SMPD3: variants seen among roughly 807,000 people sequenced by gnomAD.
The protein encoded by SMPD3 is nSMase-2.
In SMPD3, 21 loss-of-function variants were observed where a neutral mutation model predicts 55.7. The observed-to-expected ratio is 0.38, with a 90% CI of 0.27 to 0.54. The LOEUF (loss-of-function observed/expected upper bound fraction) is 0.54. Among genes scored for constraint, SMPD3 ranks in the 20% least tolerant of loss-of-function variants. The probability of loss-of-function intolerance (pLI) is 0.80; values close to 1 mark genes in which losing one functional copy is unlikely to be tolerated. For missense variants in SMPD3, 842 were observed against 899.6 expected (o/e 0.94, Z 0.82); for synonymous variants, 457 against 404.3 (o/e 1.13, Z -1.56).
chr16:68,381,535 G>GA (rs2089951654), intron 2 of SMPD3, among the ~76,000 whole-genome samples: 1 of 152,188 alleles, frequency 6.6e-6, no homozygotes, highest in African/African-American at 2.4e-5. Flanking sequence ...GGTTGGGTGG[G>GA]ATCACGTGAT....
chr16:68,374,933 A>T (rs3760002), intron 2 of SMPD3, among the ~76,000 whole-genome samples: 2 of 152,084 alleles, frequency 1.3e-5, no homozygotes, highest in Non-Finnish European at 2.9e-5. Context: ...CCAGCCACCA[A>T]TAGTCCCTGC....
At chr16:68,446,188 A>T (rs1022658902) in intron 1 of SMPD3, among the ~76,000 whole-genome samples, 2 of 152,146 alleles carry the variant, frequency 1.3e-5, no homozygotes, top group Non-Finnish European at 2.9e-5. Context: ...AGCCTATTAC[A>T]GTAGGATAAA....
At chr16:68,434,743 A>C (rs1236089160) in intron 1 of SMPD3, among the ~76,000 whole-genome samples, 1 of 151,986 alleles carries the variant, frequency 6.6e-6, no homozygotes, top group Non-Finnish European at 1.5e-5. Flanking sequence ...CTTGTTTCTC[A>C]CTCCACTGAT....
chr16:68,396,300 G>A (rs74024637), intron 1 of SMPD3, among the ~76,000 whole-genome samples: 2,022 of 152,096 alleles, frequency 0.013, 49 homozygotes, highest in African/African-American at 0.046. Flanking sequence ...CCCCAGGATC[G>A]ATCCTTCTAC....
chr16:68,359,654 G>C lies in SMPD3; in HGVS notation c.*1552C>G, dbSNP rs1165609398. On this transcript the variant is annotated 3_prime_UTR_variant, in exon 9 of 9. Coordinates refer to ENST00000219334, the MANE Select transcript of SMPD3 (RefSeq NM_018667.4). ...ACAGCAGGTCCTGGTGCTCCCTCCA[G>C]CCTCACCAGGCAAAGCCGGCCCTGG... is the stretch of plus-strand genomic sequence containing the variant. 3.9e-5 allele frequency: 6 copies of C among 152,834 alleles called. No homozygotes were observed. The highest frequency in any genetic ancestry group is 1.4e-4 in the African/African-American group (6 of 41,598). 9.5% of individuals were successfully genotyped at this position (152,834 alleles called of 1,614,324 possible).
rs531295994 is a variant in SMPD3, at chr16:68,401,825, C to T, written c.-268-15166G>A. On this transcript the variant is annotated intron_variant, in intron 1 of 8. Transcript: ENST00000219334. ...ATCTTTAGAATCCCAGCAAGGCAAACATGCCAAATGGCTAAGAGGACAGCA... is the reference window on the plus strand; with the variant it reads ...ATCTTTAGAATCCCAGCAAGGCAAATATGCCAAATGGCTAAGAGGACAGCA... 1.6e-4 allele frequency among the ~76,000 whole-genome samples: 24 copies of T among 152,328 alleles called. 1 individual carries two copies. In the East Asian group the frequency reaches 2.5e-3, roughly 16 times the overall value.
chr16:68,412,245 A>G (rs1172993626), intron 1 of SMPD3, among the ~76,000 whole-genome samples: 1 of 152,200 alleles, frequency 6.6e-6, no homozygotes, highest in Non-Finnish European at 1.5e-5. Context: ...CTGTCAAGGT[A>G]CGCCCACAGC....
At chr16:68,388,962 C>T (rs2090086646) in intron 1 of SMPD3, among the ~76,000 whole-genome samples, 1 of 152,170 alleles carries the variant, frequency 6.6e-6, no homozygotes, top group South Asian at 2.1e-4. Flanking sequence ...CAGAGCCTCC[C>T]TCTGCCAGCT....
At chr16:68,412,780 C>G (rs941030983) in intron 1 of SMPD3, among the ~76,000 whole-genome samples, 2 of 152,194 alleles carry the variant, frequency 1.3e-5, no homozygotes, top group Non-Finnish European at 2.9e-5. Flanking sequence ...CCCAAGTTAT[C>G]AAGACATTGT....
At chr16:68,398,284 G>A (rs1356234113) in intron 1 of SMPD3, among the ~76,000 whole-genome samples, 1 of 152,194 alleles carries the variant, frequency 6.6e-6, no homozygotes, top group Non-Finnish European at 1.5e-5. Context: ...TTGAAATATA[G>A]CGCTGTTTTT....
intron 1 of SMPD3, among the ~76,000 whole-genome samples, chr16:68,408,401 T>C (rs1238655516): frequency 6.6e-6 from 1 of 152,232 alleles, no homozygotes; most frequent in African/African-American, 2.4e-5. Flanking sequence ...TATTTAATTA[T>C]TTGTGAATTT....
At position 68,373,920 on chromosome 16, in the gene SMPD3, CCTTT is replaced by C. The variant is rs34648380; in HGVS notation, c.-206-1537_-206-1534del. Reference sequence around the variant, plus strand: ...ATCCTCTGCCCCTCGCCTCGCTCACCCTTTCTAAGACTCAACTTAGAAATTCCCT... The same window carrying C: ...ATCCTCTGCCCCTCGCCTCGCTCACCCTAAGACTCAACTTAGAAATTCCCT... On this transcript the variant is annotated intron_variant, in intron 2 of 8. Coordinates refer to ENST00000219334, the MANE Select transcript of SMPD3 (RefSeq NM_018667.4). 9.5e-3 allele frequency among the ~76,000 whole-genome samples: 1,443 copies of C among 152,234 alleles called. 23 individuals carry two copies. Among genetic ancestry groups the C allele is most frequent in the African/African-American group, 0.033 (1,367 of 41,548 alleles).
At chr16:68,380,170 C>T (rs1353807001) in intron 2 of SMPD3, among the ~76,000 whole-genome samples, 3 of 152,274 alleles carry the variant, frequency 2.0e-5, no homozygotes, top group African/African-American at 7.2e-5. Flanking sequence ...CACGTCTGAG[C>T]CACACCAGGC....
chr16:68,391,675 G>C (rs895039604), intron 1 of SMPD3, among the ~76,000 whole-genome samples: 6 of 152,170 alleles, frequency 3.9e-5, no homozygotes, highest in African/African-American at 1.4e-4. Context: ...GCAAAGCAGG[G>C]AGATGGCAGG....
chr16:68,415,199 G>A (rs75842420), intron 1 of SMPD3, among the ~76,000 whole-genome samples: 8,519 of 152,250 alleles, frequency 0.056, 325 homozygotes, highest in Middle Eastern at 0.12. Flanking sequence ...ATCCCATGGG[G>A]AGAGTTCAGA....
chr16:68,375,114 C>G (rs1255335438), intron 2 of SMPD3, among the ~76,000 whole-genome samples: 1 of 152,186 alleles, frequency 6.6e-6, no homozygotes, highest in Non-Finnish European at 1.5e-5. Flanking sequence ...CTGCCTCACC[C>G]CGGCACTGCC....
At chr16:68,368,925 A>G (rs185195827) in intron 3 of SMPD3, 1 of 152,268 alleles carries the variant, frequency 6.6e-6, no homozygotes, top group Non-Finnish European at 1.5e-5. Context: ...TGATTTTAAC[A>G]TATTGGTCAA....
chr16:68,421,312 C>T (rs1321843158), intron 1 of SMPD3, among the ~76,000 whole-genome samples: 2 of 152,170 alleles, frequency 1.3e-5, no homozygotes, highest in Admixed American at 6.5e-5. Flanking sequence ...CTCTGTCTGG[C>T]GCTTGTGGGG....
intron 2 of SMPD3, among the ~76,000 whole-genome samples, chr16:68,383,494 G>C (rs1238426313): frequency 6.6e-6 from 1 of 152,168 alleles, no homozygotes; most frequent in African/African-American, 2.4e-5. Context: ...GGAGGTGTAA[G>C]AGGCTCATTC....
Sources: allele counts gnomAD v4.1 joint callset (sites outside exome capture counted in the v4.1 genomes callset), GRCh38; gene constraint gnomAD v4.1.1; transcripts MANE v1.5; gene names NCBI Gene and HGNC (gene_info 2026-07-23, HGNC 2026-07-21).